Variants in COL23A1 observed in about 807,000 individuals in gnomAD.
COL23A1 encodes collagen alpha-1(XXIII) chain.
A neutral mutation model predicts 99.3 loss-of-function variants in COL23A1; 97 were observed. That is an observed-to-expected ratio of 0.98 (90% CI 0.83 to 1.16). The LOEUF is 1.16. Ranked by LOEUF, COL23A1 falls within the 50% of genes most tolerant of loss-of-function variation. COL23A1 has a pLI of 0.00. For missense variants in COL23A1, 762 were observed against 757.4 expected (o/e 1.01, Z -0.07); for synonymous variants, 320 against 308.2 (o/e 1.04, Z -0.40).
At position 178,585,727 on chromosome 5, in the gene COL23A1, A is replaced by ACAGCC. The variant is rs1763948574; in HGVS notation, c.294+4176_294+4177insGGCTG. On this transcript the variant is annotated intron_variant, in intron 1 of 28. Coordinates refer to ENST00000390654, the MANE Select transcript of COL23A1 (RefSeq NM_173465.4). ...CAGCCCTGGATGGCGCTGGGGTAACACTCCACAGCCCTGGCTGACCCTGTT... is the reference window on the plus strand; with the variant it reads ...CAGCCCTGGATGGCGCTGGGGTAACACAGCCCTCCACAGCCCTGGCTGACCCTGTT... Among the ~76,000 whole-genome samples, 5 of 10,822 alleles carry ACAGCC rather than the reference A, an allele frequency of 4.6e-4. 1 individual carries two copies. Among genetic ancestry groups the ACAGCC allele is most frequent in the African/African-American group, 9.1e-4 (3 of 3,286 alleles). The allele number at this position is 10,822 out of a possible 152,430, so 7.1% of individuals were successfully genotyped here.
Position 178,415,378 on chromosome 5 carries a change from G to A in COL23A1, c.362-108459C>T, listed in dbSNP as rs923199028. On this transcript the variant is annotated intron_variant, in intron 2 of 28. Coordinates refer to ENST00000390654, the MANE Select transcript of COL23A1 (RefSeq NM_173465.4). This position sits in a 1 kb window ranked among gnomAD's most constrained non-coding sequence, Gnocchi z 4.6. ...ACACTGTGCTCCAAATCAGTCGAAC[G>A]TCTAAAAACCGTCCTGCCCCCCACC... is the stretch of plus-strand genomic sequence containing the variant. 6.6e-6 allele frequency among the ~76,000 whole-genome samples: 1 copy of A among 152,156 alleles called. No homozygotes were observed. The highest frequency in any genetic ancestry group is 2.4e-5 in the African/African-American group (1 of 41,446).
At chr5:178,412,260 G>A (rs1389717772) in intron 2 of COL23A1, among the ~76,000 whole-genome samples, 1 of 152,188 alleles carries the variant, frequency 6.6e-6, no homozygotes, top group African/African-American at 2.4e-5. Flanking sequence ...TGAGTAGTGT[G>A]ACCTCATTTG....
intron 17 of COL23A1, among the ~76,000 whole-genome samples, chr5:178,251,917 T>TTTTTA (rs1314783237): frequency 7.5e-6 from 1 of 132,982 alleles, no homozygotes; most frequent in African/African-American, 2.5e-5. Flanking sequence ...TTCTTTTTTT[T>TTTTTA]TTTTTTTTAT....
chr5:178,426,968 AG>A (rs1272985370), intron 2 of COL23A1, among the ~76,000 whole-genome samples: 2 of 152,184 alleles, frequency 1.3e-5, no homozygotes, highest in Admixed American at 1.3e-4. Flanking sequence ...AGGCCGAGGC[AG>A]GTGGATCACT....
intron 2 of COL23A1, among the ~76,000 whole-genome samples, chr5:178,371,757 G>A (rs1055837383): frequency 6.6e-6 from 1 of 152,148 alleles, no homozygotes; most frequent in African/African-American, 2.4e-5. Flanking sequence ...TTCCCTTCCT[G>A]TCATCTACTC....
At chr5:178,488,673 T>A in intron 2 of COL23A1, among the ~76,000 whole-genome samples, 1 of 147,774 alleles carries the variant, frequency 6.8e-6, no homozygotes, top group African/African-American at 2.5e-5. Flanking sequence ...TATATGCCTA[T>A]GACTCTTTAA....
chr5:178,575,472 T>TCC (rs1763302794), intron 1 of COL23A1, among the ~76,000 whole-genome samples: 1 of 152,148 alleles, frequency 6.6e-6, no homozygotes, highest in Admixed American at 6.5e-5. Context: ...CACAACACAC[T>TCC]CCTATGTGTT....
At chr5:178,520,288 C>A (rs1759868319) in intron 2 of COL23A1, among the ~76,000 whole-genome samples, 1 of 152,114 alleles carries the variant, frequency 6.6e-6, no homozygotes, top group Non-Finnish European at 1.5e-5. Context: ...AGAGCAGAGG[C>A]TCGGTGGAGG....
At chr5:178,560,359 C>T (rs541591663) in intron 2 of COL23A1, among the ~76,000 whole-genome samples, 1 of 152,222 alleles carries the variant, frequency 6.6e-6, no homozygotes, top group East Asian at 1.9e-4. Context: ...GCTGTCACCT[C>T]CCATCAGTTC....
At chr5:178,556,358 C>T (rs1190284298) in intron 2 of COL23A1, among the ~76,000 whole-genome samples, 6 of 152,036 alleles carry the variant, frequency 3.9e-5, no homozygotes, top group Non-Finnish European at 8.8e-5. Flanking sequence ...CATGGTGGCT[C>T]ACGCCTATAA....
intron 2 of COL23A1, among the ~76,000 whole-genome samples, chr5:178,397,562 C>T (rs970524905): frequency 2.6e-5 from 4 of 152,232 alleles, no homozygotes; most frequent in Non-Finnish European, 4.4e-5. Context: ...CCACTCATGC[C>T]GCTGTCTTGG....
chr5:178,413,726 A>G (rs1377158848), intron 2 of COL23A1, among the ~76,000 whole-genome samples: 1 of 152,198 alleles, frequency 6.6e-6, no homozygotes, highest in African/African-American at 2.4e-5. Flanking sequence ...TCATTAGCCT[A>G]TGTGGGGATG....
At chr5:178,505,416 AT>A (rs1254802969) in intron 2 of COL23A1, among the ~76,000 whole-genome samples, 1 of 151,600 alleles carries the variant, frequency 6.6e-6, no homozygotes, top group African/African-American at 2.4e-5. Flanking sequence ...TGCCCAGCTA[AT>A]TTCTTTATAT....
chr5:178,306,357 TA>T lies in COL23A1; in HGVS notation c.406+517del, dbSNP rs1271595418. Among the ~76,000 whole-genome samples, 7 of 149,218 alleles carry T rather than the reference TA, an allele frequency of 4.7e-5. No individual in the cohort carries two copies. The highest frequency in any genetic ancestry group is 8.9e-5 in the Non-Finnish European group (6 of 67,212). On this transcript the variant is annotated intron_variant, in intron 3 of 28. Transcript: ENST00000390654. The surrounding 1 kb of genome is among the most constrained non-coding windows in gnomAD (Gnocchi z 4.1). ...AGGGGGCAATCTGCTGGGGACTGGG[TA>T]GGGGGAGTTCTGGGTGAAGCAGAGA...
At chr5:178,538,004 G>C (rs1364812037) in intron 2 of COL23A1, among the ~76,000 whole-genome samples, 1 of 152,238 alleles carries the variant, frequency 6.6e-6, no homozygotes. Context: ...GACTGGCTTA[G>C]TCGAATTCAT....
intron 8 of COL23A1, 72 bp downstream of exon 8, chr5:178,267,224 ACCCAGAAGCAG>A: frequency 6.9e-7 from 1 of 1,441,162 alleles, no homozygotes; most frequent in Non-Finnish European, 9.8e-7. Flanking sequence ...GGGAGCTGGG[ACCCAGAAGCAG>A]CGCCAGTTAT....
At chr5:178,404,910 A>G (rs1285901048) in intron 2 of COL23A1, among the ~76,000 whole-genome samples, 2 of 152,226 alleles carry the variant, frequency 1.3e-5, no homozygotes, top group Non-Finnish European at 2.9e-5. Context: ...TGAGCTCACT[A>G]TGCAGCTAAC....
At chr5:178,373,971 G>A (rs894094916) in intron 2 of COL23A1, among the ~76,000 whole-genome samples, 4 of 152,168 alleles carry the variant, frequency 2.6e-5, no homozygotes, top group Non-Finnish European at 5.9e-5. Context: ...GGGAAGTGCA[G>A]CACCGGCGCC....
intron 2 of COL23A1, among the ~76,000 whole-genome samples, chr5:178,541,609 T>G (rs1013891094): frequency 6.6e-6 from 1 of 152,160 alleles, no homozygotes; most frequent in African/African-American, 2.4e-5. Flanking sequence ...ACATAACATA[T>G]GTATACCTTA....
Sources: allele counts gnomAD v4.1 joint callset (sites outside exome capture counted in the v4.1 genomes callset), GRCh38; gene constraint gnomAD v4.1.1; non-coding constraint Gnocchi (gnomAD v3.1); transcripts MANE v1.5; gene names NCBI Gene and HGNC (gene_info 2026-07-23, HGNC 2026-07-21).